The following MAML2 variants were observed in gnomAD, a reference collection of about 807,000 sequenced individuals.
The protein encoded by MAML2 is mastermind like transcriptional coactivator 2.
Under a neutral mutation model 96.1 loss-of-function variants are expected in MAML2, and 22 were observed. The ratio of observed to expected loss-of-function variants is 0.23; its 90% CI spans 0.16 to 0.33. MAML2 has a LOEUF of 0.33. MAML2 is among the 10% of genes least tolerant of loss of function. MAML2 has a pLI of 1.00. For synonymous variants in MAML2, 561 were observed against 521.3 expected, an observed-to-expected ratio of 1.08 and a Z score of -1.04; for missense variants, 1,367 against 1,392.4, an observed-to-expected ratio of 0.98 and a Z score of 0.29.
intron 1 of MAML2, among the ~76,000 whole-genome samples, chr11:96,286,077 ATGCCCATCAATGG>A (rs1863135492): frequency 6.6e-6 from 1 of 152,230 alleles, no homozygotes; most frequent in South Asian, 2.1e-4. Flanking sequence ...ATTAACCCAA[ATGCCCATCAATGG>A]TAGACTGGAT....
intron 1 of MAML2, among the ~76,000 whole-genome samples, chr11:96,146,729 T>C (rs911628030): frequency 6.6e-6 from 1 of 152,196 alleles, no homozygotes; most frequent in African/African-American, 2.4e-5. Context: ...TGAGGCAGGA[T>C]TGTGTCATCC....
At chr11:96,233,851 TGAA>T (rs1213612048) in intron 1 of MAML2, among the ~76,000 whole-genome samples, 1 of 152,116 alleles carries the variant, frequency 6.6e-6, no homozygotes, top group Non-Finnish European at 1.5e-5. Flanking sequence ...GTGAAGTGAA[TGAA>T]GAAGAACAAG....
intron 2 of MAML2, among the ~76,000 whole-genome samples, chr11:96,028,243 T>C (rs573676763): frequency 3.9e-5 from 6 of 152,232 alleles, no homozygotes; most frequent in Non-Finnish European, 8.8e-5. Flanking sequence ...AAAACACATA[T>C]GCTGCCATGT....
intron 1 of MAML2, among the ~76,000 whole-genome samples, chr11:96,326,919 G>A (rs940530626): frequency 4.6e-5 from 7 of 152,270 alleles, no homozygotes; most frequent in African/African-American, 1.4e-4. Flanking sequence ...GAATAAAACT[G>A]CCCAGGTTCT....
chr11:96,159,407 C>CTT (rs760811590), intron 1 of MAML2, among the ~76,000 whole-genome samples: 1,230 of 90,952 alleles, frequency 0.014, 139 homozygotes, highest in Middle Eastern at 0.032. Flanking sequence ...ACCACTGATT[C>CTT]TTTTTTTTTT....
rs1464505992 is a variant in MAML2, at chr11:96,065,405, G to A, written c.2139+26487C>T. ...CCCTTTCTCTCTCTAGTGCACATGC[G>A]TGCGTGCATGCACACACACACACAC... On this transcript the variant is annotated intron_variant, in intron 2 of 4. Coordinates refer to ENST00000524717, the MANE Select transcript of MAML2 (RefSeq NM_032427.4). 6.0e-5 allele frequency among the ~76,000 whole-genome samples: 7 copies of A among 116,764 alleles called. No individual in the cohort carries two copies. The South Asian group carries it at 8.6e-4, about 14-fold the overall frequency. The allele number at this position is 116,764 out of a possible 152,430, so 76.6% of individuals were successfully genotyped here.
Position 96,341,725 on chromosome 11 carries a change from T to C in MAML2, c.171A>G (p.Arg57=), listed in dbSNP as rs773045051. ...AGCTCTCGGCCCTACCTCGTTCATA[T>C]CGTCCTTCACAGCTCAGGTGGTGTT... ...CRQHHLSCEG[R]YERGRAESSD... Residue 57 remains arginine (R), a synonymous_variant, in exon 1 of 5, where the codon CGA becomes CGG. Transcript: ENST00000524717. The C allele has an allele frequency of 1.9e-6, 3 of 1,612,816 alleles. No homozygotes were observed. Among genetic ancestry groups the C allele is most frequent in the African/African-American group, 1.3e-5 (1 of 74,908 alleles).
At chr11:96,027,544 G>A (rs1346623138) in intron 2 of MAML2, among the ~76,000 whole-genome samples, 1 of 152,120 alleles carries the variant, frequency 6.6e-6, no homozygotes, top group African/African-American at 2.4e-5. Context: ...TGCTCTGACA[G>A]AGGTAAGGAC....
chr11:96,341,363 T>C lies in MAML2; in HGVS notation c.513+20A>G, dbSNP rs1057217606. The C allele has an allele frequency of 4.7e-6, 7 of 1,497,658 alleles. No individual in the cohort carries two copies. In the South Asian group the frequency reaches 8.0e-5, roughly 17 times the overall value. The allele number at this position is 1,497,658 out of a possible 1,614,324, so 92.8% of individuals were successfully genotyped here. On this transcript the variant is annotated intron_variant, in intron 1 of 4. Transcript: ENST00000524717. Reference sequence around the variant, plus strand: ...GGTCACAGGACCACAGCCAGAACCATGAGAAAGCCAGGTGCTTACCGCAAT... The same window carrying C: ...GGTCACAGGACCACAGCCAGAACCACGAGAAAGCCAGGTGCTTACCGCAAT...
intron 2 of MAML2, among the ~76,000 whole-genome samples, chr11:96,003,156 G>A (rs974712095): frequency 6.7e-6 from 1 of 149,270 alleles, no homozygotes; most frequent in Non-Finnish European, 1.5e-5. Flanking sequence ...GGGATGAGGA[G>A]GATGATGGGG....
At chr11:96,245,752 T>G (rs1182572128) in intron 1 of MAML2, among the ~76,000 whole-genome samples, 1 of 150,548 alleles carries the variant, frequency 6.6e-6, no homozygotes, top group Non-Finnish European at 1.5e-5. Context: ...TTGCCCAGGC[T>G]GGAGTGCAGC....
In MAML2 at chr11:96,131,874, G is replaced by A. The variant is rs541224034; in HGVS notation, c.514-38357C>T. Among the ~76,000 whole-genome samples, 8 of 152,294 alleles carry A rather than the reference G, an allele frequency of 5.3e-5. No homozygotes were observed. The East Asian group carries it at 7.7e-4, about 15-fold the overall frequency. The stretch of plus-strand genomic sequence containing the variant: ...AAAATACAAAAATTAGCCAGGCATG[G>A]TGGCACACTCCTGTAATCCCAGCTA... On this transcript the variant is annotated intron_variant, in intron 1 of 4. Transcript: ENST00000524717.
At chr11:96,130,873 C>T (rs1031787975) in intron 1 of MAML2, among the ~76,000 whole-genome samples, 1 of 150,984 alleles carries the variant, frequency 6.6e-6, no homozygotes, top group Non-Finnish European at 1.5e-5. Context: ...CACCAATTGT[C>T]TAGGACCATC....
chr11:96,222,140 G>C (rs1175257786), intron 1 of MAML2, among the ~76,000 whole-genome samples: 1 of 152,174 alleles, frequency 6.6e-6, no homozygotes, highest in Non-Finnish European at 1.5e-5. Flanking sequence ...CGGTCCATCA[G>C]CTGAGCCTGG....
chr11:96,189,781 T>G (rs1351730630), intron 1 of MAML2, among the ~76,000 whole-genome samples: 1 of 152,226 alleles, frequency 6.6e-6, no homozygotes, highest in Admixed American at 6.5e-5. Flanking sequence ...TAATTCTTCA[T>G]TCAGAAAAGA....
chr11:96,202,585 T>C (rs1438900431), intron 1 of MAML2, among the ~76,000 whole-genome samples: 1 of 151,932 alleles, frequency 6.6e-6, no homozygotes, highest in Non-Finnish European at 1.5e-5. Context: ...AGAAAAGCCA[T>C]AGAGATAGGA....
chr11:96,039,205 T>C (rs1858765960), intron 2 of MAML2, among the ~76,000 whole-genome samples: 1 of 151,288 alleles, frequency 6.6e-6, no homozygotes, highest in East Asian at 2.0e-4. Context: ...CAGGGAGCCA[T>C]GATTGCACCA....
chr11:96,309,454 C>G (rs1179299446), intron 1 of MAML2, among the ~76,000 whole-genome samples: 2 of 152,182 alleles, frequency 1.3e-5, no homozygotes, highest in Non-Finnish European at 2.9e-5. Context: ...CTAAGATCAT[C>G]ATGGATGACG....
chr11:95,993,058 T>A (rs1181464863), intron 2 of MAML2, among the ~76,000 whole-genome samples: 1 of 151,776 alleles, frequency 6.6e-6, no homozygotes, highest in Non-Finnish European at 1.5e-5. Flanking sequence ...TAAATTTTTT[T>A]TAGAGACAGG....
Sources: allele counts gnomAD v4.1 joint callset (sites outside exome capture counted in the v4.1 genomes callset), GRCh38; gene constraint gnomAD v4.1.1; transcripts MANE v1.5; gene names NCBI Gene and HGNC (gene_info 2026-07-23, HGNC 2026-07-21).